The following FBXL20 variants were observed in gnomAD, a reference collection of about 807,000 sequenced individuals.
FBXL20 encodes the protein F-box/LRR-repeat protein 20.
In FBXL20, 11 loss-of-function variants were observed where a neutral mutation model predicts 64.0. That is an observed-to-expected ratio of 0.17 (90% CI 0.11 to 0.28). FBXL20 has a LOEUF of 0.28. FBXL20 is among the 10% of genes least tolerant of loss of function. The probability of loss-of-function intolerance (pLI) is 1.00; values close to 1 mark genes in which losing one functional copy is unlikely to be tolerated. For synonymous variants in FBXL20, 184 were observed against 189.0 expected, an observed-to-expected ratio of 0.97 and a Z score of 0.22; for missense variants, 303 against 526.2, an observed-to-expected ratio of 0.58 and a Z score of 4.15.
intron 1 of FBXL20, among the ~76,000 whole-genome samples, chr17:39,366,983 C>T (rs574294430): frequency 1.3e-5 from 2 of 151,218 alleles, no homozygotes; most frequent in East Asian, 2.0e-4. Flanking sequence ...CCTGGGTTCA[C>T]GCTATTCTGC....
At chr17:39,316,244 A>G (rs1392255208) in intron 2 of FBXL20, among the ~76,000 whole-genome samples, 1 of 152,168 alleles carries the variant, frequency 6.6e-6, no homozygotes, top group Non-Finnish European at 1.5e-5. Context: ...ATATACAGAT[A>G]TAAACATACA....
At chr17:39,273,821 G>GAAAA (rs56218843) in intron 10 of FBXL20, among the ~76,000 whole-genome samples, 64 of 134,736 alleles carry the variant, frequency 4.8e-4, no homozygotes, top group African/African-American at 1.7e-3. Flanking sequence ...CTCTGTTTCA[G>GAAAA]AAAAAAAAAA....
At chr17:39,362,364 C>T (rs1297455061) in intron 1 of FBXL20, among the ~76,000 whole-genome samples, 2 of 152,178 alleles carry the variant, frequency 1.3e-5, no homozygotes, top group Non-Finnish European at 2.9e-5. Context: ...CTTTAGAAGG[C>T]TGAGGTACGA....
intron 6 of FBXL20, among the ~76,000 whole-genome samples, chr17:39,295,035 G>T (rs1045672852): frequency 6.6e-6 from 1 of 152,128 alleles, no homozygotes. Context: ...CTGAAATACG[G>T]ATTAAATAAT....
At chr17:39,338,262 ATGTGC>A (rs2047548411) in intron 2 of FBXL20, among the ~76,000 whole-genome samples, 1 of 152,236 alleles carries the variant, frequency 6.6e-6, no homozygotes, top group South Asian at 2.1e-4. Flanking sequence ...TCTCTGAAAC[ATGTGC>A]TGTGTCCACT....
At chr17:39,342,210 A>G (rs577566765) in intron 2 of FBXL20, among the ~76,000 whole-genome samples, 39 of 152,288 alleles carry the variant, frequency 2.6e-4, no homozygotes, top group African/African-American at 9.4e-4. Flanking sequence ...AATGTAGACC[A>G]TAACACAGTA....
intron 1 of FBXL20, among the ~76,000 whole-genome samples, chr17:39,395,661 TGTCACCCACTA>T (rs1222561365): frequency 6.6e-6 from 1 of 152,230 alleles, no homozygotes; most frequent in Non-Finnish European, 1.5e-5. Flanking sequence ...AACAAATTAC[TGTCACCCACTA>T]GAAAAATATA....
intron 1 of FBXL20, among the ~76,000 whole-genome samples, chr17:39,384,201 T>G (rs888769195): frequency 6.6e-6 from 1 of 152,004 alleles, no homozygotes; most frequent in Non-Finnish European, 1.5e-5. Flanking sequence ...ACTCTTGCAC[T>G]CCAGCCTGGG....
At chr17:39,334,551 C>T (rs2047501682) in intron 2 of FBXL20, among the ~76,000 whole-genome samples, 1 of 151,746 alleles carries the variant, frequency 6.6e-6, no homozygotes, top group African/African-American at 2.4e-5. Context: ...TAAAGTTCAC[C>T]TCTTACCCAC....
At chr17:39,373,006 TC>T (rs959689119) in intron 1 of FBXL20, among the ~76,000 whole-genome samples, 3 of 151,384 alleles carry the variant, frequency 2.0e-5, no homozygotes, top group Non-Finnish European at 3.0e-5. Flanking sequence ...ATTTTTCTTT[TC>T]TTTTTTTTTT....
intron 9 of FBXL20, among the ~76,000 whole-genome samples, chr17:39,279,256 T>C (rs921439441): frequency 1.3e-5 from 2 of 152,178 alleles, no homozygotes; most frequent in Non-Finnish European, 2.9e-5. Context: ...CCCAGCACTT[T>C]GCGAGGCTGA....
chr17:39,299,432 C>T (rs2047115099), intron 4 of FBXL20, among the ~76,000 whole-genome samples: 1 of 152,128 alleles, frequency 6.6e-6, no homozygotes, highest in Non-Finnish European at 1.5e-5. Flanking sequence ...GTATCTTTTC[C>T]AAAATGTTTA....
chr17:39,295,435 T>C (rs938685397), intron 6 of FBXL20, among the ~76,000 whole-genome samples: 1 of 152,104 alleles, frequency 6.6e-6, no homozygotes, highest in East Asian at 1.9e-4. Context: ...TTTTTGCTTT[T>C]AGTAGAGATG....
At chr17:39,298,582 G>A (rs951626981) in intron 5 of FBXL20, among the ~76,000 whole-genome samples, 46 of 152,098 alleles carry the variant, frequency 3.0e-4, no homozygotes, top group African/African-American at 8.2e-4. Context: ...TTAGCCAGGC[G>A]TGGTGGTACA....
chr17:39,326,624 A>C (rs185199756), intron 2 of FBXL20, among the ~76,000 whole-genome samples: 2 of 151,542 alleles, frequency 1.3e-5, no homozygotes, highest in East Asian at 4.0e-4. Context: ...CCTATTTAAA[A>C]AAAATTTTTT....
At chr17:39,330,019 G>A (rs538187686) in intron 2 of FBXL20, among the ~76,000 whole-genome samples, 21 of 152,062 alleles carry the variant, frequency 1.4e-4, no homozygotes, top group African/African-American at 2.6e-4. Context: ...TAGGATGGGC[G>A]CGGTGGCTCA....
intron 2 of FBXL20, among the ~76,000 whole-genome samples, chr17:39,312,137 C>A (rs747705999): frequency 1.3e-5 from 2 of 152,056 alleles, no homozygotes; most frequent in South Asian, 4.1e-4. Context: ...TAAGAACTGG[C>A]CGGGCATGGT....
At chr17:39,385,873 T>C (rs772399413) in intron 1 of FBXL20, among the ~76,000 whole-genome samples, 6 of 151,042 alleles carry the variant, frequency 4.0e-5, no homozygotes, top group Non-Finnish European at 8.8e-5. Flanking sequence ...CTACTAAAAA[T>C]ACAAAAATTA....
intron 1 of FBXL20, among the ~76,000 whole-genome samples, chr17:39,381,604 A>T (rs1405023600): frequency 6.6e-6 from 1 of 152,080 alleles, no homozygotes; most frequent in Non-Finnish European, 1.5e-5. Flanking sequence ...CAGCCTGACA[A>T]CATGGTGAAA....
Sources: allele counts gnomAD v4.1 joint callset (sites outside exome capture counted in the v4.1 genomes callset), GRCh38; gene constraint gnomAD v4.1.1; transcripts MANE v1.5; gene names NCBI Gene and HGNC (gene_info 2026-07-23, HGNC 2026-07-21).